The following GYG2 variants were observed in gnomAD, a reference collection of about 807,000 sequenced individuals.
GYG2 encodes glycogenin 2, also known as glycogenin-2.
GYG2 carries 29 observed loss-of-function variants against 29.4 expected under a neutral mutation model. That is an observed-to-expected ratio of 0.99 (90% CI 0.74 to 1.35). GYG2 has a LOEUF of 1.35. GYG2 is among the 40% of genes most tolerant of loss of function. The pLI, the probability that GYG2 is intolerant of heterozygous loss-of-function variation, is 0.00. For missense variants in GYG2, 370 were observed against 385.7 expected, an observed-to-expected ratio of 0.96 and a Z score of 0.34; for synonymous variants, 167 against 172.3, an observed-to-expected ratio of 0.97 and a Z score of 0.24.
intron 8 of GYG2, among the ~76,000 whole-genome samples, chrX:2,870,227 A>G (rs1049017734): frequency 9.1e-6 from 1 of 109,657 alleles, no homozygotes; most frequent in African/African-American, 3.3e-5. Flanking sequence ...TTTGAGACAG[A>G]GACTTGCTCT....
chrX:2,847,717 A>T (rs7881502), intron 3 of GYG2, among the ~76,000 whole-genome samples: 8 of 73,163 alleles, frequency 1.1e-4, no homozygotes, highest in Admixed American at 5.9e-4. Context: ...TAAATAAATA[A>T]ATAAATAAAT....
chrX:2,874,018 C>T (rs763589718), intron 8 of GYG2, among the ~76,000 whole-genome samples: 89 of 111,580 alleles, frequency 8.0e-4, no homozygotes, highest in Non-Finnish European at 1.5e-3. Flanking sequence ...ATCACTTGAA[C>T]CCAGGAGGCA....
chrX:2,864,694 C>G (rs1027432036), intron 8 of GYG2, among the ~76,000 whole-genome samples: 3 of 110,987 alleles, frequency 2.7e-5, no homozygotes, highest in African/African-American at 9.8e-5. Flanking sequence ...CCTGAGGTCT[C>G]TCTGAATAAG....
intron 3 of GYG2, among the ~76,000 whole-genome samples, chrX:2,846,635 G>C (rs7890298): frequency 0.37 from 40,476 of 109,349 alleles, 5,715 homozygotes; most frequent in African/African-American, 0.46. Context: ...GTCCCAGCTA[G>C]TCAGGAGGCT....
rs937979886 is a variant in GYG2, at chrX:2,870,531, G to A, written c.1039-5279G>A. Among the ~76,000 whole-genome samples, 9 of 111,519 alleles carry A rather than the reference G, an allele frequency of 8.1e-5. No homozygotes were observed. In the East Asian group the frequency reaches 2.5e-3, roughly 31 times the overall value. On this transcript the variant is annotated intron_variant, in intron 8 of 10. Coordinates refer to ENST00000398806, the MANE Select transcript of GYG2 (RefSeq NM_001079855.2). ...ACTAACATTAGTAGAACCGTTGACTGTGTCCCATATATCTATGACACAGTT... is the reference window on the plus strand; with the variant it reads ...ACTAACATTAGTAGAACCGTTGACTATGTCCCATATATCTATGACACAGTT...
At position 2,856,414 on chromosome X, in the gene GYG2, T is replaced by C. The variant is rs968498666; in HGVS notation, c.488-84T>C. On this transcript the variant is annotated intron_variant, in intron 5 of 10. Coordinates refer to ENST00000398806, the MANE Select transcript of GYG2 (RefSeq NM_001079855.2). ...TAACCCTGAAGGCAAGTGTTTATGT[T>C]GAGAGCTTCAGGCACATCTCGCATT... 12 of 876,303 alleles carry C rather than the reference T, an allele frequency of 1.4e-5. No individual in the cohort carries two copies. The Admixed American group carries it at 1.8e-4, about 13-fold the overall frequency. 72.2% of individuals were successfully genotyped at this position (876,303 alleles called of 1,213,427 possible). A position where few individuals can be genotyped will look rare whatever the true frequency, so the allele number is the denominator to read the frequency against.
chrX:2,882,180 A>G lies in GYG2; in HGVS notation c.*967A>G, dbSNP rs1470275723. On this transcript the variant is annotated 3_prime_UTR_variant, in exon 11 of 11. Coordinates refer to ENST00000398806, the MANE Select transcript of GYG2 (RefSeq NM_001079855.2). ...CTCATTGTCAGAAGTATCTTCATTC[A>G]ATGGGCACAATATGCTGTGTATCTC... 9.0e-6 allele frequency: 1 copy of G among 110,726 alleles called. No individual in the cohort carries two copies. The highest frequency in any genetic ancestry group is 2.8e-4 in the East Asian group (1 of 3,540). The allele number at this position is 110,726 out of a possible 1,213,427, so 9.1% of individuals were successfully genotyped here.
chrX:2,854,737 C>T (rs2087940746), intron 4 of GYG2, among the ~76,000 whole-genome samples: 1 of 111,461 alleles, frequency 9.0e-6, no homozygotes, highest in African/African-American at 3.3e-5. Context: ...AGTTTGAGAC[C>T]AGCCTGGCCA....
At chrX:2,843,538 C>T (rs891468988) in intron 3 of GYG2, among the ~76,000 whole-genome samples, 184 bp downstream of exon 3, 4 of 112,138 alleles carry the variant, frequency 3.6e-5, no homozygotes, top group African/African-American at 9.7e-5. Context: ...AAAATATAGG[C>T]GTGTGATCGG....
intron 3 of GYG2, among the ~76,000 whole-genome samples, chrX:2,844,080 C>A (rs755241564): frequency 2.8e-4 from 32 of 112,464 alleles, no homozygotes; most frequent in Non-Finnish European, 5.8e-4. Context: ...AAGCAATAAT[C>A]TTTTTCTTTC....
intron 6 of GYG2, among the ~76,000 whole-genome samples, chrX:2,857,835 A>G (rs5939370): frequency 0.44 from 47,924 of 109,161 alleles, 9,109 homozygotes; most frequent in Middle Eastern, 0.59. Flanking sequence ...AGTCATAACT[A>G]CTTTAAAAAA....
At chrX:2,837,692 G>A (rs1444676026) in intron 2 of GYG2, among the ~76,000 whole-genome samples, 2 of 111,382 alleles carry the variant, frequency 1.8e-5, no homozygotes, top group African/African-American at 3.3e-5. Context: ...AGATCACAAA[G>A]AAATCTTAAT....
Position 2,830,185 on chromosome X carries a change from G to A in GYG2, c.-4G>A. ...CGCGCCCACTGCCCGCGGCGCCACT[G>A]ACCATGTCGGGTGAGTAGCTCAAGC... On this transcript the variant is annotated 5_prime_UTR_variant, in exon 2 of 11. Coordinates refer to ENST00000398806, the MANE Select transcript of GYG2 (RefSeq NM_001079855.2). 7.5e-6 allele frequency: 9 copies of A among 1,208,034 alleles called. No homozygotes were observed. Among genetic ancestry groups the A allele is most frequent in the Non-Finnish European group, 9.0e-6 (8 of 891,840 alleles).
chrX:2,830,565 G>C (rs2087242255), intron 2 of GYG2, among the ~76,000 whole-genome samples: 1 of 112,119 alleles, frequency 8.9e-6, no homozygotes, highest in Non-Finnish European at 1.9e-5. Context: ...CTAAAGCTCT[G>C]GGAAGAGGCT....
At chrX:2,837,154 TA>T (rs373543772) in intron 2 of GYG2, among the ~76,000 whole-genome samples, 80 of 111,393 alleles carry the variant, frequency 7.2e-4, no homozygotes, top group African/African-American at 2.2e-3. Context: ...TGGGGAGACC[TA>T]GGAGGTGGGT....
chrX:2,881,906 T>C lies in GYG2; in HGVS notation c.*693T>C, dbSNP rs2088728523. The C allele has an allele frequency of 9.0e-6, 1 of 111,039 alleles. No homozygotes were observed. Among genetic ancestry groups the C allele is most frequent in the Non-Finnish European group, 1.9e-5 (1 of 52,959 alleles). The allele number at this position is 111,039 out of a possible 1,213,427, so 9.2% of individuals were successfully genotyped here. On this transcript the variant is annotated 3_prime_UTR_variant, in exon 11 of 11. Coordinates refer to ENST00000398806, the MANE Select transcript of GYG2 (RefSeq NM_001079855.2). ...GGATCTAAACCGATTCACTTCCTGGTTGAGAAGCAACGAGGGCTTGCTCTA... is the reference window on the plus strand; with the variant it reads ...GGATCTAAACCGATTCACTTCCTGGCTGAGAAGCAACGAGGGCTTGCTCTA...
intron 3 of GYG2, among the ~76,000 whole-genome samples, chrX:2,845,643 A>G (rs5939356): frequency 0.14 from 5,897 of 42,782 alleles, 999 homozygotes; most frequent in Non-Finnish European, 0.24. Flanking sequence ...ACATTTATAT[A>G]CGCATGTGTA....
chrX:2,855,241 A>G (rs1048657035), intron 5 of GYG2, 86 bp downstream of exon 5: 2 of 835,889 alleles, frequency 2.4e-6, no homozygotes, highest in African/African-American at 2.0e-5. Flanking sequence ...CGTTGACCAT[A>G]CAGTCACACC....
At chrX:2,860,184 G>A in intron 7 of GYG2, 119 bp downstream of exon 7, 1 of 453,547 alleles carries the variant, frequency 2.2e-6, no homozygotes, top group Non-Finnish European at 3.7e-6. Flanking sequence ...TGTATTTCAT[G>A]GAAAAGAATA....
Sources: allele counts gnomAD v4.1 joint callset (sites outside exome capture counted in the v4.1 genomes callset), GRCh38; gene constraint gnomAD v4.1.1; transcripts MANE v1.5; gene names NCBI Gene and HGNC (gene_info 2026-07-23, HGNC 2026-07-21).